Variants in XKR6 observed in about 807,000 individuals in gnomAD.
XKR6 encodes XK related 6, also known as XK-related protein 6.
In XKR6, 22 loss-of-function variants were observed where a neutral mutation model predicts 56.7. The ratio of observed to expected loss-of-function variants is 0.39; its 90% CI spans 0.28 to 0.55. The LOEUF (loss-of-function observed/expected upper bound fraction) is 0.55, where lower values mean the gene tolerates loss of function less well. Ranked by LOEUF, XKR6 falls within the 20% of genes least tolerant of loss-of-function variation. XKR6 has a pLI of 0.66. For synonymous variants in XKR6, 524 were observed against 387.8 expected (o/e 1.35, Z -4.13); for missense variants, 852 against 889.0 (o/e 0.96, Z 0.53).
At chr8:11,097,434 A>G (rs1798297439) in intron 1 of XKR6, among the ~76,000 whole-genome samples, 1 of 151,918 alleles carries the variant, frequency 6.6e-6, no homozygotes, top group African/African-American at 2.4e-5. Flanking sequence ...GTAAAAGTAG[A>G]TAATACCAGC....
At chr8:10,963,009 C>G (rs1425416297) in intron 1 of XKR6, among the ~76,000 whole-genome samples, 1 of 152,192 alleles carries the variant, frequency 6.6e-6, no homozygotes, top group African/African-American at 2.4e-5. Flanking sequence ...TGAGCCTGTC[C>G]TTCGATCATT....
chr8:10,898,878 C>A lies in XKR6; in HGVS notation c.1000G>T (p.Val334Leu). ...AGCAGCTTGTGATAGGAGGCTAGCACCCAAGCCAGGGACATCAGGGAAGTC... is the reference window on the plus strand; with the variant it reads ...AGCAGCTTGTGATAGGAGGCTAGCAACCAAGCCAGGGACATCAGGGAAGTC... ...SVTSLMSLAW[V>L]LASYHKLLRD... Residue 334 changes from valine to leucine, a missense_variant, in exon 3 of 3, where the codon GTG becomes TTG. Physicochemically the swap from Val to Leu is conservative, Grantham distance 32 (BLOSUM62 1). Coordinates refer to ENST00000416569, the MANE Select transcript of XKR6 (RefSeq NM_173683.4). This position sits in a 1 kb window ranked among gnomAD's most constrained non-coding sequence, Gnocchi z 6.6. The A allele has an allele frequency of 6.2e-7, 1 of 1,612,818 alleles. No individual in the cohort carries two copies. The highest frequency in any genetic ancestry group is 1.1e-5 in the South Asian group (1 of 90,844).
At chr8:11,151,163 T>C (rs190346782) in intron 1 of XKR6, among the ~76,000 whole-genome samples, 1 of 152,296 alleles carries the variant, frequency 6.6e-6, no homozygotes, top group Admixed American at 6.5e-5. Flanking sequence ...GCAAGTGACA[T>C]ACTCATTGGA....
chr8:11,126,230 G>A (rs957082310), intron 1 of XKR6, among the ~76,000 whole-genome samples: 20 of 151,946 alleles, frequency 1.3e-4, no homozygotes, highest in South Asian at 4.2e-4. Context: ...TACCACGCCC[G>A]GCTAATTTTT....
At chr8:11,047,748 A>G (rs1450501358) in intron 1 of XKR6, among the ~76,000 whole-genome samples, 1 of 152,218 alleles carries the variant, frequency 6.6e-6, no homozygotes, top group Non-Finnish European at 1.5e-5. Flanking sequence ...ACCAAACGAT[A>G]CGTTTACAGA....
At chr8:11,056,764 C>G (rs1353476630) in intron 1 of XKR6, among the ~76,000 whole-genome samples, 1 of 152,216 alleles carries the variant, frequency 6.6e-6, no homozygotes, top group Non-Finnish European at 1.5e-5. Flanking sequence ...GGAGAGGGAG[C>G]CTGAGCCCTT....
intron 1 of XKR6, among the ~76,000 whole-genome samples, chr8:11,150,596 T>C (rs1002778961): frequency 3.3e-5 from 5 of 152,184 alleles, no homozygotes; most frequent in South Asian, 4.1e-4. Flanking sequence ...CTCATACTTA[T>C]AATCCCAGCA....
chr8:10,938,809 C>T (rs2129122825), intron 1 of XKR6, among the ~76,000 whole-genome samples: 1 of 152,224 alleles, frequency 6.6e-6, no homozygotes, highest in Non-Finnish European at 1.5e-5. Flanking sequence ...AACTCAAAGA[C>T]CTCTACAAAC....
chr8:10,928,557 CCTG>C (rs1489884676), intron 1 of XKR6, among the ~76,000 whole-genome samples: 1 of 151,846 alleles, frequency 6.6e-6, no homozygotes, highest in Non-Finnish European at 1.5e-5. Context: ...CCAGCCGCCT[CCTG>C]CAGAGTCTCC....
intron 1 of XKR6, among the ~76,000 whole-genome samples, chr8:11,000,303 G>A (rs1798208620): frequency 6.6e-6 from 1 of 152,138 alleles, no homozygotes; most frequent in African/African-American, 2.4e-5. Flanking sequence ...CAGTTTGCAA[G>A]GCTGAAATGG....
chr8:10,952,984 G>T (rs1005356629), intron 1 of XKR6, among the ~76,000 whole-genome samples: 4 of 152,104 alleles, frequency 2.6e-5, no homozygotes, highest in Non-Finnish European at 4.4e-5. Flanking sequence ...TAGGCTGCGC[G>T]CTCCTTATGA....
intron 1 of XKR6, among the ~76,000 whole-genome samples, chr8:11,127,311 G>A (rs1563157106): frequency 6.6e-6 from 1 of 152,164 alleles, no homozygotes; most frequent in African/African-American, 2.4e-5. Context: ...GATCTTCAAC[G>A]AGTTACTTAT....
At chr8:10,991,427 C>T (rs1284819339) in intron 1 of XKR6, among the ~76,000 whole-genome samples, 1 of 152,076 alleles carries the variant, frequency 6.6e-6, no homozygotes, top group Non-Finnish European at 1.5e-5. Context: ...AACTGACTGG[C>T]CTGAGGATAG....
At chr8:11,063,026 A>G (rs1234540351) in intron 1 of XKR6, 7 of 357,152 alleles carry the variant, frequency 2.0e-5, no homozygotes, top group Non-Finnish European at 3.9e-5. Context: ...AATGCCAGCC[A>G]CAAATTGGCA....
chr8:11,177,142 G>A (rs1802699887), intron 1 of XKR6, among the ~76,000 whole-genome samples: 1 of 152,150 alleles, frequency 6.6e-6, no homozygotes, highest in Non-Finnish European at 1.5e-5. Context: ...TTGAAATGAT[G>A]GAAAACGAGG....
At chr8:11,140,014 G>A (rs1039868440) in intron 1 of XKR6, among the ~76,000 whole-genome samples, 1 of 151,868 alleles carries the variant, frequency 6.6e-6, no homozygotes, top group Non-Finnish European at 1.5e-5. Flanking sequence ...TCTCTAGGAA[G>A]TACAAATAAA....
chr8:11,094,646 C>T (rs893567541), intron 1 of XKR6, among the ~76,000 whole-genome samples: 9 of 152,106 alleles, frequency 5.9e-5, no homozygotes, highest in Admixed American at 3.9e-4. Flanking sequence ...GCTGGTGGGA[C>T]CGACATCGAT....
At chr8:10,990,444 C>T (rs1398808327) in intron 1 of XKR6, among the ~76,000 whole-genome samples, 2 of 152,152 alleles carry the variant, frequency 1.3e-5, no homozygotes, top group Admixed American at 1.3e-4. Context: ...CTGTTATTTC[C>T]ACACCGGCAG....
chr8:10,965,368 G>C (rs1161678673), intron 1 of XKR6, among the ~76,000 whole-genome samples: 1 of 152,188 alleles, frequency 6.6e-6, no homozygotes, highest in African/African-American at 2.4e-5. Context: ...GGTCCCCCAG[G>C]GATCTGGGGG....
Sources: allele counts gnomAD v4.1 joint callset (sites outside exome capture counted in the v4.1 genomes callset), GRCh38; gene constraint gnomAD v4.1.1; non-coding constraint Gnocchi (gnomAD v3.1); transcripts MANE v1.5; gene names NCBI Gene and HGNC (gene_info 2026-07-23, HGNC 2026-07-21).